The following NNMT variants were observed in gnomAD, a reference collection of about 807,000 sequenced individuals.
The protein encoded by NNMT is nicotinamide N-methyltransferase.
In NNMT, 10 loss-of-function variants were observed where a neutral mutation model predicts 11.7. The observed-to-expected ratio is 0.85, with a 90% CI of 0.53 to 1.45. The LOEUF is 1.45. NNMT is among the 40% of genes most tolerant of loss of function. The probability of loss-of-function intolerance (pLI) is 0.00; values close to 1 mark genes in which losing one functional copy is unlikely to be tolerated. For synonymous variants in NNMT, 143 were observed against 133.8 expected (o/e 1.07, Z -0.48); for missense variants, 381 against 319.4 (o/e 1.19, Z -1.47).
At chr11:114,296,240 A>G, upstream of NNMT, 1 of 231,022 alleles carries the variant, frequency 4.3e-6, no homozygotes, top group East Asian at 8.4e-5. Flanking sequence ...TCTGGTCTAC[A>G]ATCCCTGGCG....
chr11:114,278,007 A>G (rs1945227324), intron 2 of NNMT, among the ~76,000 whole-genome samples: 1 of 152,178 alleles, frequency 6.6e-6, no homozygotes, highest in African/African-American at 2.4e-5. Flanking sequence ...ACCCATTACT[A>G]AAAGAAGAAA....
At chr11:114,272,841 C>G (rs1565719957) in intron 2 of NNMT, among the ~76,000 whole-genome samples, 1 of 152,200 alleles carries the variant, frequency 6.6e-6, no homozygotes, top group Non-Finnish European at 1.5e-5. Context: ...ACATAACCCA[C>G]TAGATAGACT....
chr11:114,264,011 G>A (rs1591824267), intron 2 of NNMT, among the ~76,000 whole-genome samples: 2 of 152,096 alleles, frequency 1.3e-5, no homozygotes, highest in South Asian at 2.1e-4. Flanking sequence ...CCAGAGTGAC[G>A]TGGGCTTCCT....
chr11:114,307,199 C>G (rs550499338), intron 2 of NNMT, among the ~76,000 whole-genome samples: 2 of 152,284 alleles, frequency 1.3e-5, no homozygotes, highest in East Asian at 3.9e-4. Flanking sequence ...GTAAACATTT[C>G]TACTCACAGG....
At chr11:114,270,243 G>A (rs1203026115) in intron 2 of NNMT, 2 of 152,140 alleles carry the variant, frequency 1.3e-5, no homozygotes, top group Admixed American at 6.5e-5. Flanking sequence ...TTAGATTAGA[G>A]CATTCAATAC....
At chr11:114,259,410 C>G (rs571494378) in intron 1 of NNMT, among the ~76,000 whole-genome samples, 41 of 152,114 alleles carry the variant, frequency 2.7e-4, no homozygotes, top group African/African-American at 8.2e-4. Flanking sequence ...ACCACCTGAC[C>G]CGTGTCTGCC....
intron 2 of NNMT, among the ~76,000 whole-genome samples, chr11:114,304,554 G>T (rs12418882): frequency 1.3e-5 from 2 of 152,288 alleles, no homozygotes; most frequent in African/African-American, 4.8e-5. Context: ...TCTTCAAGTA[G>T]CTTTATCAAC....
chr11:114,297,215 G>A (rs80015068), intron 1 of NNMT: 3,400 of 153,956 alleles, frequency 0.022, 115 homozygotes, highest in African/African-American at 0.076. Context: ...TCTGGATCTG[G>A]TGTTCAGTCT....
At chr11:114,287,309 C>T (rs117043084) in intron 2 of NNMT, among the ~76,000 whole-genome samples, 4,996 of 152,172 alleles carry the variant, frequency 0.033, 114 homozygotes, top group Non-Finnish European at 0.047. Flanking sequence ...TTTAAGAAAT[C>T]GTTATCTGCA....
chr11:114,298,060 C>G lies in NNMT; in HGVS notation c.264C>G (p.Asp88Glu). 6.2e-7 allele frequency: 1 copy of G among 1,614,132 alleles called. No homozygotes were observed. The highest frequency in any genetic ancestry group is 8.5e-7 in the Non-Finnish European group (1 of 1,180,034). Residue 88 changes from aspartate (D) to glutamate (E), a missense_variant, in exon 2 of 3, where the codon GAC becomes GAG. Physicochemically the swap from Asp to Glu is conservative, Grantham distance 45. Transcript: ENST00000299964. ...FKEIVVTDYS[D>E]QNLQELEKWL... ...AGATCGTCGTCACTGACTACTCAGA[C>G]CAGAACCTGCAGGAGCTGGAGAAGT...
intron 2 of NNMT, among the ~76,000 whole-genome samples, chr11:114,311,579 C>G (rs1354007396): frequency 2.0e-5 from 3 of 152,216 alleles, no homozygotes; most frequent in Non-Finnish European, 4.4e-5. Context: ...TGATCAGCAA[C>G]TACTGCAAAG....
At chr11:114,271,520 G>T (rs1945170069) in intron 2 of NNMT, among the ~76,000 whole-genome samples, 1 of 152,202 alleles carries the variant, frequency 6.6e-6, no homozygotes, top group Admixed American at 6.5e-5. Context: ...TACATGTGTG[G>T]CTCCAGCTCA....
chr11:114,294,166 G>C (rs1330939834), upstream of NNMT, among the ~76,000 whole-genome samples: 1 of 152,082 alleles, frequency 6.6e-6, no homozygotes. Context: ...TAGGGGGGAT[G>C]TGGGGATCAT....
intron 2 of NNMT, among the ~76,000 whole-genome samples, chr11:114,278,732 G>A (rs1441900189): frequency 2.0e-5 from 3 of 152,158 alleles, no homozygotes; most frequent in Non-Finnish European, 4.4e-5. Flanking sequence ...CACCACATGG[G>A]TGATGAATGA....
At chr11:114,285,096 T>C in intron 2 of NNMT, among the ~76,000 whole-genome samples, 1 of 152,080 alleles carries the variant, frequency 6.6e-6, no homozygotes, top group East Asian at 1.9e-4. Flanking sequence ...CTTCTTCCTT[T>C]AGCCAAGAAG....
At chr11:114,300,815 T>C (rs947222667) in intron 2 of NNMT, among the ~76,000 whole-genome samples, 1 of 152,188 alleles carries the variant, frequency 6.6e-6, no homozygotes, top group Non-Finnish European at 1.5e-5. Flanking sequence ...TGAAGTCTAC[T>C]TTTTCTGATG....
At chr11:114,290,009 GCT>G (rs1945324048) in intron 2 of NNMT, among the ~76,000 whole-genome samples, 1 of 152,150 alleles carries the variant, frequency 6.6e-6, no homozygotes, top group South Asian at 2.1e-4. Flanking sequence ...GGGTGAATGA[GCT>G]CTCTCGGGCC....
At chr11:114,269,323 C>T (rs910469020) in intron 2 of NNMT, among the ~76,000 whole-genome samples, 2 of 152,330 alleles carry the variant, frequency 1.3e-5, no homozygotes, top group African/African-American at 4.8e-5. Flanking sequence ...ATTGTGTTCT[C>T]TTCTGCACCA....
intron 2 of NNMT, among the ~76,000 whole-genome samples, chr11:114,273,880 G>A (rs1457284319): frequency 5.9e-5 from 9 of 152,036 alleles, no homozygotes; most frequent in Non-Finnish European, 1.3e-4. Flanking sequence ...GGTCTCAGTG[G>A]GGCCATACAG....
Sources: gnomAD v4.1 joint callset for allele counts (sites outside exome capture counted in the v4.1 genomes callset) on GRCh38, gnomAD v4.1.1 for gene constraint, MANE v1.5 for transcripts, NCBI Gene and HGNC (gene_info 2026-07-23, HGNC 2026-07-21) for gene names.